CREB5: variants seen among roughly 807,000 people sequenced by gnomAD.
The protein encoded by CREB5 is cAMP responsive element binding protein 5.
Under a neutral mutation model 57.1 loss-of-function variants are expected in CREB5, and 19 were observed. The ratio of observed to expected loss-of-function variants is 0.33; its 90% confidence interval spans 0.23 to 0.49. The LOEUF is 0.49. Ranked by LOEUF, CREB5 falls within the 20% of genes least tolerant of loss-of-function variation. The pLI is 0.99. For synonymous variants in CREB5, 238 were observed against 238.3 expected (o/e 1.00, Z 0.01); for missense variants, 579 against 671.6 (o/e 0.86, Z 1.52).
At chr7:28,618,626 A>G (rs770390050) in intron 5 of CREB5, among the ~76,000 whole-genome samples, 5 of 152,154 alleles carry the variant, frequency 3.3e-5, no homozygotes, top group African/African-American at 4.8e-5. Context: ...ATACACAGAT[A>G]CAGTCACACG....
intron 3 of CREB5, among the ~76,000 whole-genome samples, chr7:28,504,141 T>C (rs1172473813): frequency 6.6e-6 from 1 of 152,218 alleles, no homozygotes; most frequent in African/African-American, 2.4e-5. Context: ...CTAGTTATCT[T>C]TGATCTCACA....
chr7:28,432,597 G>A (rs1436434437), intron 1 of CREB5, among the ~76,000 whole-genome samples: 1 of 152,122 alleles, frequency 6.6e-6, no homozygotes, highest in Non-Finnish European at 1.5e-5. Flanking sequence ...AAGTTCTTAA[G>A]TCTTAACGCT....
At chr7:28,562,825 C>A (rs998085286) in intron 4 of CREB5, among the ~76,000 whole-genome samples, 4 of 152,116 alleles carry the variant, frequency 2.6e-5, no homozygotes, top group African/African-American at 9.7e-5. Flanking sequence ...GACCACATAC[C>A]AATATTAATT....
intron 7 of CREB5, among the ~76,000 whole-genome samples, chr7:28,736,168 G>GTTGGT (rs1803967599): frequency 6.6e-6 from 1 of 151,912 alleles, no homozygotes; most frequent in South Asian, 2.1e-4. Context: ...TTTTTTGTTT[G>GTTGGT]TTTGTTTTGT....
intron 4 of CREB5, among the ~76,000 whole-genome samples, chr7:28,519,115 C>T (rs1463059314): frequency 3.3e-5 from 5 of 152,158 alleles, no homozygotes; most frequent in Admixed American, 2.6e-4. Context: ...CCAAACTCCA[C>T]GTTCACAGAG....
chr7:28,417,142 C>T (rs757156724), intron 1 of CREB5, among the ~76,000 whole-genome samples: 1 of 152,138 alleles, frequency 6.6e-6, no homozygotes, highest in Non-Finnish European at 1.5e-5. Flanking sequence ...GTCGGGCTCA[C>T]CCAGCACTGT....
intron 1 of CREB5, among the ~76,000 whole-genome samples, chr7:28,330,174 C>T (rs1014969850): frequency 1.2e-4 from 19 of 152,180 alleles, no homozygotes; most frequent in South Asian, 6.2e-4. Flanking sequence ...CCGATTCTCT[C>T]GTGTTGCATG....
chr7:28,692,958 T>C (rs537274097), intron 5 of CREB5, among the ~76,000 whole-genome samples: 1 of 152,316 alleles, frequency 6.6e-6, no homozygotes, highest in South Asian at 2.1e-4. Context: ...GTACCTGCGC[T>C]GGCAAGAGAA....
At chr7:28,632,548 G>A (rs310351) in intron 5 of CREB5, among the ~76,000 whole-genome samples, 7 of 151,878 alleles carry the variant, frequency 4.6e-5, no homozygotes, top group African/African-American at 1.5e-4. Flanking sequence ...TAAAAGTTTT[G>A]TTCACCATCA....
At chr7:28,370,602 T>A (rs768149262) in intron 1 of CREB5, among the ~76,000 whole-genome samples, 1 of 152,166 alleles carries the variant, frequency 6.6e-6, no homozygotes, top group Non-Finnish European at 1.5e-5. Flanking sequence ...GAAAATATAT[T>A]TTATACTTAA....
intron 1 of CREB5, among the ~76,000 whole-genome samples, chr7:28,397,024 G>C (rs1480216404): frequency 6.6e-6 from 1 of 152,182 alleles, no homozygotes; most frequent in Non-Finnish European, 1.5e-5. Flanking sequence ...ATTTTCTTGA[G>C]GAGTGTTTTT....
At chr7:28,735,996 G>T (rs1803956773) in intron 7 of CREB5, among the ~76,000 whole-genome samples, 1 of 151,898 alleles carries the variant, frequency 6.6e-6, no homozygotes, top group Non-Finnish European at 1.5e-5. Context: ...CAGAGACAGG[G>T]TCTCGCGATG....
At chr7:28,697,063 CACAT>C (rs1266641708) in intron 5 of CREB5, among the ~76,000 whole-genome samples, 1 of 151,330 alleles carries the variant, frequency 6.6e-6, no homozygotes, top group Non-Finnish European at 1.5e-5. Flanking sequence ...ATAATATGCA[CACAT>C]ACATATTTAT....
rs1583661252 is a variant in CREB5 at position 28,747,087 on chromosome 7, T to G, written c.702+22755T>G. 2.3e-5 allele frequency among the ~76,000 whole-genome samples: 3 copies of G among 131,660 alleles called. No individual in the cohort carries two copies. The Middle Eastern group carries it at 0.011, about 503-fold the overall frequency. 86.4% of individuals were successfully genotyped at this position (131,660 alleles called of 152,430 possible). On this transcript the variant is annotated intron_variant, in intron 7 of 10. Coordinates refer to ENST00000357727, the MANE Select transcript of CREB5 (RefSeq NM_182898.4). ...ATTTAGAAAAACTAGAAACAAGACT[T>G]TTTTTTTTTTTCCTGAGGCTGTTGT...
intron 5 of CREB5, among the ~76,000 whole-genome samples, chr7:28,630,578 G>A (rs1276925080): frequency 2.6e-5 from 4 of 152,116 alleles, no homozygotes; most frequent in Non-Finnish European, 5.9e-5. Flanking sequence ...GAAAAAGTTC[G>A]AAAAAATGTG....
intron 1 of CREB5, among the ~76,000 whole-genome samples, chr7:28,431,875 G>A (rs1318815606): frequency 6.6e-6 from 1 of 152,114 alleles, no homozygotes; most frequent in African/African-American, 2.4e-5. Flanking sequence ...ACTCTGGGTT[G>A]GGGGCCTGGG....
At chr7:28,500,762 G>GT (rs1792242018) in intron 3 of CREB5, among the ~76,000 whole-genome samples, 1 of 152,176 alleles carries the variant, frequency 6.6e-6, no homozygotes, top group Non-Finnish European at 1.5e-5. Flanking sequence ...GGAAGATGGC[G>GT]TATCTCACTC....
chr7:28,635,127 G>T (rs1471533338), intron 5 of CREB5, among the ~76,000 whole-genome samples: 4 of 152,160 alleles, frequency 2.6e-5, no homozygotes, highest in Non-Finnish European at 5.9e-5. Flanking sequence ...TAGTAGAGAA[G>T]CTAGGAGGCC....
intron 5 of CREB5, among the ~76,000 whole-genome samples, chr7:28,601,746 G>A (rs1796927281): frequency 6.6e-6 from 1 of 152,126 alleles, no homozygotes; most frequent in Non-Finnish European, 1.5e-5. Flanking sequence ...GAAAAAGTAA[G>A]CAAGGCAGAT....
Sources: gnomAD v4.1 joint callset for allele counts (sites outside exome capture counted in the v4.1 genomes callset) on GRCh38, gnomAD v4.1.1 for gene constraint, MANE v1.5 for transcripts, NCBI Gene and HGNC (gene_info 2026-07-23, HGNC 2026-07-21) for gene names.